The following EXOC4 variants were observed in gnomAD, a reference collection of about 807,000 sequenced individuals.
The protein encoded by EXOC4 is SEC8-like 1.
In EXOC4, 71 loss-of-function variants were observed where a neutral mutation model predicts 107.2. The ratio of observed to expected loss-of-function variants is 0.66; its 90% confidence interval spans 0.55 to 0.81. EXOC4 has a LOEUF of 0.81. Among genes scored for constraint, EXOC4 ranks in the 30% least tolerant of loss-of-function variants. The pLI, the probability that EXOC4 is intolerant of heterozygous loss-of-function variation, is 0.00. For synonymous variants in EXOC4, 456 were observed against 441.2 expected (o/e 1.03, Z -0.42); for missense variants, 1,108 against 1,189.6 (o/e 0.93, Z 1.01).
chr7:133,823,897 A>T (rs867675300), intron 11 of EXOC4, among the ~76,000 whole-genome samples: 1 of 26,394 alleles, frequency 3.8e-5, no homozygotes, highest in Non-Finnish European at 5.7e-5. Context: ...TATATATTTT[A>T]TATATATATA....
intron 7 of EXOC4, among the ~76,000 whole-genome samples, chr7:133,433,257 A>G (rs1797894638): frequency 6.6e-6 from 1 of 152,184 alleles, no homozygotes; most frequent in Non-Finnish European, 1.5e-5. Context: ...CACTCCCAAT[A>G]GCCCCCCACC....
rs182553655 is a variant in EXOC4 at position 133,353,829 on chromosome 7, A to G, written c.764-2501A>G. Among the ~76,000 whole-genome samples the G allele has an allele frequency of 1.2e-4, 18 of 151,952 alleles. No homozygotes were observed. In the East Asian group the frequency reaches 3.5e-3, roughly 30 times the overall value. On this transcript the variant is annotated intron_variant, in intron 5 of 17. Transcript: ENST00000253861. ...TTCAATCTTTTTTCATTCTGTTCTT[A>G]GATGATAATTTCCATTGTCCTATCT...
At chr7:133,626,849 A>G (rs1386734871) in intron 9 of EXOC4, among the ~76,000 whole-genome samples, 2 of 152,152 alleles carry the variant, frequency 1.3e-5, no homozygotes, top group East Asian at 3.9e-4. Flanking sequence ...AACGTTTATT[A>G]AGCACACCTA....
intron 17 of EXOC4, among the ~76,000 whole-genome samples, chr7:134,034,167 C>A (rs1309686262): frequency 2.0e-5 from 3 of 152,040 alleles, no homozygotes; most frequent in African/African-American, 7.3e-5. Context: ...TGAGATACAG[C>A]TGTTCTGGAG....
At chr7:133,296,258 A>C (rs1323998321) in intron 3 of EXOC4, among the ~76,000 whole-genome samples, 6 of 152,102 alleles carry the variant, frequency 3.9e-5, no homozygotes, top group African/African-American at 1.4e-4. Flanking sequence ...ATTACTTGCT[A>C]GTGGGAAGAG....
intron 9 of EXOC4, among the ~76,000 whole-genome samples, chr7:133,595,584 T>C (rs1801649091): frequency 6.6e-6 from 1 of 152,210 alleles, no homozygotes; most frequent in South Asian, 2.1e-4. Flanking sequence ...GCACTTTATG[T>C]GCATGATCTC....
chr7:133,842,022 A>G (rs985996347), intron 11 of EXOC4, among the ~76,000 whole-genome samples: 8 of 152,142 alleles, frequency 5.3e-5, no homozygotes, highest in African/African-American at 1.9e-4. Flanking sequence ...CACGGTGTAT[A>G]TGTACCACAT....
chr7:133,290,678 T>C lies in EXOC4; in HGVS notation c.471+1562T>C, dbSNP rs141141410. ...TCAGATTTTTGTGTTACGGTCTTTG[T>C]TCTTAAGGGCTAATTTATTTACTTA... On this transcript the variant is annotated intron_variant, in intron 3 of 17. Coordinates refer to ENST00000253861, the MANE Select transcript of EXOC4 (RefSeq NM_021807.4). Among the ~76,000 whole-genome samples the C allele has an allele frequency of 5.9e-5, 9 of 152,354 alleles. No homozygotes were observed. The East Asian group carries it at 1.2e-3, about 20-fold the overall frequency.
chr7:133,802,849 CAAAAA>C (rs59489161), intron 10 of EXOC4, among the ~76,000 whole-genome samples: 1 of 64,202 alleles, frequency 1.6e-5, no homozygotes. Flanking sequence ...TCTGTCTCCA[CAAAAA>C]AAAAAAAAAA....
chr7:133,880,412 A>G (rs1284668381), intron 11 of EXOC4, among the ~76,000 whole-genome samples: 2 of 152,132 alleles, frequency 1.3e-5, no homozygotes, highest in Non-Finnish European at 2.9e-5. Context: ...ATGTGTTGGG[A>G]AAGGAGGGTG....
chr7:133,728,448 C>T (rs1441599842), intron 10 of EXOC4, among the ~76,000 whole-genome samples: 2 of 152,200 alleles, frequency 1.3e-5, no homozygotes, highest in Admixed American at 6.5e-5. Context: ...GAGTTATAGA[C>T]TGTCTCAAGC....
At chr7:133,479,758 G>A (rs1799108631) in intron 8 of EXOC4, 2 of 344,104 alleles carry the variant, frequency 5.8e-6, no homozygotes, top group Non-Finnish European at 1.1e-5. Context: ...AAAGGCTGAT[G>A]GGGGTCTGAA....
intron 3 of EXOC4, among the ~76,000 whole-genome samples, chr7:133,302,469 A>G (rs1794661708): frequency 6.6e-6 from 1 of 152,330 alleles, no homozygotes; most frequent in East Asian, 1.9e-4. Flanking sequence ...GAAGAATTCT[A>G]AATACATTTA....
At chr7:133,676,929 G>C (rs965253316) in intron 10 of EXOC4, among the ~76,000 whole-genome samples, 51 of 70,118 alleles carry the variant, frequency 7.3e-4, no homozygotes, top group African/African-American at 2.1e-3. Context: ...AGTAAACTCT[G>C]TGTGTGTGTG....
At chr7:133,275,807 A>G (rs1793976200) in intron 2 of EXOC4, among the ~76,000 whole-genome samples, 1 of 150,674 alleles carries the variant, frequency 6.6e-6, no homozygotes, top group African/African-American at 2.4e-5. Context: ...TTATGAGAAC[A>G]ATTTTTTTCT....
At chr7:133,391,591 G>A (rs1005540250) in intron 7 of EXOC4, among the ~76,000 whole-genome samples, 3 of 152,154 alleles carry the variant, frequency 2.0e-5, no homozygotes, top group Non-Finnish European at 2.9e-5. Context: ...TTTAGAAGTG[G>A]CATGTTTAGG....
Position 133,884,626 on chromosome 7 carries a change from C to T in EXOC4, c.1735-10973C>T, listed in dbSNP as rs140707113. Among the ~76,000 whole-genome samples the T allele has an allele frequency of 2.0e-4, 28 of 141,962 alleles. No individual in the cohort carries two copies. In the East Asian group the frequency reaches 2.0e-3, roughly 10 times the overall value. The allele number at this position is 141,962 out of a possible 152,430, so 93.1% of individuals were successfully genotyped here. Reference sequence around the variant, plus strand: ...GTGTGTGTGTGTGTGTGTGTGCGCGCGTGTGTGATGGTGCTGGAGATGTGT... The same window carrying T: ...GTGTGTGTGTGTGTGTGTGTGCGCGTGTGTGTGATGGTGCTGGAGATGTGT... On this transcript the variant is annotated intron_variant, in intron 11 of 17. Coordinates refer to ENST00000253861, the MANE Select transcript of EXOC4 (RefSeq NM_021807.4).
chr7:134,052,024 G>C (rs1026495850), intron 17 of EXOC4, among the ~76,000 whole-genome samples: 1 of 152,148 alleles, frequency 6.6e-6, no homozygotes, highest in South Asian at 2.1e-4. Flanking sequence ...CTCCATGACA[G>C]TTGGGTTGAG....
intron 10 of EXOC4, among the ~76,000 whole-genome samples, chr7:133,672,765 A>C (rs1793975680): frequency 6.6e-6 from 1 of 152,202 alleles, no homozygotes; most frequent in South Asian, 2.1e-4. Context: ...AATGAGAATG[A>C]TGAAATGTAT....
Sources: gnomAD v4.1 joint callset for allele counts (sites outside exome capture counted in the v4.1 genomes callset) on GRCh38, gnomAD v4.1.1 for gene constraint, MANE v1.5 for transcripts, NCBI Gene and HGNC (gene_info 2026-07-23, HGNC 2026-07-21) for gene names.